CAMTA1: variants seen among roughly 807,000 people sequenced by gnomAD.
CAMTA1 encodes the protein calmodulin-binding transcription activator 1.
A neutral mutation model predicts 170.9 loss-of-function variants in CAMTA1; 27 were observed. The ratio of observed to expected loss-of-function variants is 0.16; its 90% CI spans 0.12 to 0.22. The LOEUF is 0.22. Ranked by LOEUF, CAMTA1 falls within the 10% of genes least tolerant of loss-of-function variation. The probability of loss-of-function intolerance (pLI) is 1.00; values close to 1 mark genes in which losing one functional copy is unlikely to be tolerated. For missense variants in CAMTA1, 1,619 were observed against 2,217.2 expected (o/e 0.73, Z 5.42); for synonymous variants, 833 against 891.5 (o/e 0.93, Z 1.17).
intron 4 of CAMTA1, among the ~76,000 whole-genome samples, chr1:7,138,472 CA>C (rs1230480039): frequency 1.3e-5 from 2 of 152,084 alleles, no homozygotes; most frequent in Admixed American, 1.3e-4. Context: ...AATTAGAAAA[CA>C]GTCGATGCTA....
intron 3 of CAMTA1, among the ~76,000 whole-genome samples, chr1:6,884,345 T>C (rs996521761): frequency 7.0e-6 from 1 of 143,386 alleles, no homozygotes; most frequent in Non-Finnish European, 1.6e-5. Context: ...CAATTTTGTT[T>C]GGCTTTGATC....
chr1:7,292,167 T>A (rs1023294703), intron 5 of CAMTA1, among the ~76,000 whole-genome samples: 17 of 152,134 alleles, frequency 1.1e-4, no homozygotes, highest in Non-Finnish European at 2.4e-4. Context: ...AAATAAAATA[T>A]ATGGAGATTG....
intron 3 of CAMTA1, among the ~76,000 whole-genome samples, chr1:6,927,507 A>G (rs1310856451): frequency 3.3e-5 from 5 of 152,246 alleles, no homozygotes; most frequent in Admixed American, 6.5e-5. Flanking sequence ...CAAATTACGA[A>G]TGGGATATGT....
In CAMTA1 at chr1:7,606,080, A is replaced by G. The variant is rs114364504; in HGVS notation, c.511-34320A>G. On this transcript the variant is annotated intron_variant, in intron 6 of 22. Transcript: ENST00000303635. ...TCCAATCAAGGCCCCTGAGCAGAGA[A>G]TAAAGAGGTCACTCTGGCAAGTCTG... 6.8e-3 allele frequency among the ~76,000 whole-genome samples: 1,038 copies of G among 152,326 alleles called. 13 individuals carry two copies. Among genetic ancestry groups the G allele is most frequent in the African/African-American group, 0.023 (974 of 41,560 alleles).
chr1:6,930,643 C>G (rs1056775091), intron 3 of CAMTA1, among the ~76,000 whole-genome samples: 4 of 152,202 alleles, frequency 2.6e-5, no homozygotes, highest in Non-Finnish European at 5.9e-5. Flanking sequence ...TTTGTCCTAA[C>G]TGTGGGGTCT....
chr1:7,481,747 C>T (rs566587386), intron 6 of CAMTA1, among the ~76,000 whole-genome samples: 57 of 152,156 alleles, frequency 3.7e-4, no homozygotes, highest in African/African-American at 1.3e-3. Flanking sequence ...CACACCTCCC[C>T]CAAGTCTTTC....
At chr1:7,762,907 T>C (rs1443147246) in intron 22 of CAMTA1, among the ~76,000 whole-genome samples, 1 of 152,214 alleles carries the variant, frequency 6.6e-6, no homozygotes, top group Non-Finnish European at 1.5e-5. Context: ...TAATTTCATC[T>C]CATACCATGG....
intron 3 of CAMTA1, among the ~76,000 whole-genome samples, chr1:7,028,139 AG>A (rs1702263453): frequency 6.6e-6 from 1 of 152,160 alleles, no homozygotes; most frequent in African/African-American, 2.4e-5. Flanking sequence ...TCCTGAATTC[AG>A]GGGATCCACC....
chr1:7,103,536 A>G (rs542415427), intron 4 of CAMTA1, among the ~76,000 whole-genome samples: 7 of 127,938 alleles, frequency 5.5e-5, no homozygotes, highest in African/African-American at 2.4e-4. Context: ...ACACACAACT[A>G]CACACATGTA....
intron 6 of CAMTA1, among the ~76,000 whole-genome samples, chr1:7,498,430 CGT>C (rs761587712): frequency 5.0e-5 from 7 of 141,098 alleles, no homozygotes; most frequent in South Asian, 2.3e-4. Context: ...TGTGGATGTG[CGT>C]GTGTATGAGT....
At chr1:7,236,822 G>C (rs987738500) in intron 4 of CAMTA1, among the ~76,000 whole-genome samples, 2 of 152,238 alleles carry the variant, frequency 1.3e-5, no homozygotes, top group African/African-American at 4.8e-5. Flanking sequence ...GCCATTCCGT[G>C]TTGGAAAGAT....
chr1:6,996,571 G>A (rs1697283254), intron 3 of CAMTA1, among the ~76,000 whole-genome samples: 1 of 151,948 alleles, frequency 6.6e-6, no homozygotes, highest in African/African-American at 2.4e-5. Context: ...TAGCTGCTGT[G>A]GTTAACCCAA....
At chr1:6,957,462 A>G (rs1172578289) in intron 3 of CAMTA1, among the ~76,000 whole-genome samples, 1 of 152,040 alleles carries the variant, frequency 6.6e-6, no homozygotes, top group Admixed American at 6.5e-5. Context: ...GCTGTGTTCT[A>G]TTCTGGACTC....
At chr1:7,316,863 G>A (rs1574633920) in intron 5 of CAMTA1, among the ~76,000 whole-genome samples, 1 of 152,262 alleles carries the variant, frequency 6.6e-6, no homozygotes, top group East Asian at 1.9e-4. Context: ...TGAAACTTGA[G>A]GGTGAGTTAG....
rs539184081 is a variant in CAMTA1, at chr1:7,727,825, C to G, written c.2915-4623C>G. 9.2e-5 allele frequency among the ~76,000 whole-genome samples: 14 copies of G among 152,332 alleles called. No homozygotes were observed. The South Asian group carries it at 2.7e-3, about 29-fold the overall frequency. On this transcript the variant is annotated intron_variant, in intron 11 of 22. Transcript: ENST00000303635. ...GGAGATGTAAAGACCATCATTTTAT[C>G]CATCTAAGCCTTACAACCTCAAGAG...
chr1:7,721,974 G>A (rs116784553), intron 11 of CAMTA1, among the ~76,000 whole-genome samples: 2,261 of 152,192 alleles, frequency 0.015, 32 homozygotes, highest in Admixed American at 0.023. Context: ...ACCATCTCCT[G>A]GTGTATTGCT....
chr1:7,240,786 G>A (rs1016544405), intron 4 of CAMTA1, among the ~76,000 whole-genome samples: 3 of 152,154 alleles, frequency 2.0e-5, no homozygotes, highest in African/African-American at 4.8e-5. Flanking sequence ...GATTACACAC[G>A]TGAGCCACCA....
At chr1:7,637,711 C>T (rs2095724439) in intron 6 of CAMTA1, among the ~76,000 whole-genome samples, 1 of 152,198 alleles carries the variant, frequency 6.6e-6, no homozygotes, top group East Asian at 1.9e-4. Flanking sequence ...CAGGCTGTGC[C>T]CTGCTGGCAC....
At chr1:7,457,755 A>C (rs2092993295) in intron 5 of CAMTA1, among the ~76,000 whole-genome samples, 1 of 152,160 alleles carries the variant, frequency 6.6e-6, no homozygotes, top group Non-Finnish European at 1.5e-5. Flanking sequence ...ACTGGTCTTC[A>C]TCCAGACCGA....
Sources: allele counts gnomAD v4.1 joint callset (sites outside exome capture counted in the v4.1 genomes callset), GRCh38; gene constraint gnomAD v4.1.1; transcripts MANE v1.5; gene names NCBI Gene and HGNC (gene_info 2026-07-23, HGNC 2026-07-21).